Variants in HECW2 observed in about 807,000 individuals in gnomAD.
HECW2 encodes the protein HECT, C2 and WW domain containing E3 ubiquitin protein ligase 2.
A neutral mutation model predicts 175.2 loss-of-function variants in HECW2; 61 were observed. The observed-to-expected ratio is 0.35, with a 90% CI of 0.28 to 0.43. The LOEUF (loss-of-function observed/expected upper bound fraction) is 0.43. Ranked by LOEUF, HECW2 falls within the 20% of genes least tolerant of loss-of-function variation. HECW2 has a pLI of 1.00. For synonymous variants in HECW2, 671 were observed against 731.0 expected, an observed-to-expected ratio of 0.92 and a Z score of 1.32; for missense variants, 1,524 against 2,000.5, an observed-to-expected ratio of 0.76 and a Z score of 4.54.
At position 196,221,034 on chromosome 2, in the gene HECW2, T is replaced by C. The variant is rs1687646926; in HGVS notation, c.4147-93A>G. On this transcript the variant is annotated intron_variant, in intron 24 of 28. Coordinates refer to ENST00000644978, the MANE Select transcript of HECW2 (RefSeq NM_001348768.2). ...ATTGAGCTGAAATCAGCCAGCTACC[T>C]GTCCCAGCCCTGCCCTAGGCACATC... The C allele has an allele frequency of 7.9e-6, 11 of 1,388,906 alleles. No individual in the cohort carries two copies. The East Asian group carries it at 9.2e-5, about 12-fold the overall frequency. 86.0% of individuals were successfully genotyped at this position (1,388,906 alleles called of 1,614,324 possible).
chr2:196,482,090 A>C (rs893012074), intron 1 of HECW2, among the ~76,000 whole-genome samples: 4 of 152,182 alleles, frequency 2.6e-5, no homozygotes, highest in Non-Finnish European at 5.9e-5. Context: ...CCAAAGTATA[A>C]ATTTTTTCCT....
intron 1 of HECW2, among the ~76,000 whole-genome samples, chr2:196,563,628 A>T (rs1028938416): frequency 1.3e-5 from 2 of 152,184 alleles, no homozygotes; most frequent in Non-Finnish European, 2.9e-5. Context: ...CTCAAAGACT[A>T]CAGGAGTCAA....
intron 28 of HECW2, among the ~76,000 whole-genome samples, chr2:196,212,181 C>T (rs910747754): frequency 7.6e-6 from 1 of 132,318 alleles, no homozygotes; most frequent in African/African-American, 3.0e-5. Context: ...CATTTTTCTC[C>T]CATGTGTGCA....
At chr2:196,316,954 C>A in intron 10 of HECW2, 1 of 253,934 alleles carries the variant, frequency 3.9e-6, no homozygotes, top group Admixed American at 4.7e-5. Context: ...GCTGAAAGAA[C>A]ATTCATGCTG....
intron 1 of HECW2, among the ~76,000 whole-genome samples, chr2:196,452,599 T>G (rs1696380075): frequency 1.3e-5 from 2 of 152,148 alleles, no homozygotes; most frequent in East Asian, 3.9e-4. Context: ...TGTGATCCAG[T>G]GCAAAGCCAC....
At position 196,207,923 on chromosome 2, in the gene HECW2, G is replaced by T. The variant is rs182843892; in HGVS notation, c.4608-6535C>A. ...AGAAACTCTTCAAACTATGCATTCT[G>T]AGCAGGTACCTTCTTCACTTGTGAA... On this transcript the variant is annotated intron_variant, in intron 28 of 28. Transcript: ENST00000644978. Among the ~76,000 whole-genome samples the T allele has an allele frequency of 4.2e-3, 644 of 152,310 alleles. 1 individual carries two copies. Among genetic ancestry groups the T allele is most frequent in the African/African-American group, 0.014 (591 of 41,574 alleles).
intron 2 of HECW2, among the ~76,000 whole-genome samples, chr2:196,359,303 C>T (rs539349982): frequency 2.0e-5 from 3 of 152,098 alleles, no homozygotes; most frequent in Non-Finnish European, 4.4e-5. Context: ...CAAAAATTAG[C>T]TGGGTGTGAT....
intron 13 of HECW2, among the ~76,000 whole-genome samples, chr2:196,294,638 C>T (rs761267546): frequency 6.6e-5 from 10 of 152,218 alleles, no homozygotes; most frequent in Admixed American, 2.0e-4. Context: ...GTACTGTGTT[C>T]GTTATTAGGG....
rs184602965 is a variant in HECW2 at position 196,315,484 on chromosome 2, T to C, written c.2434+1790A>G. ...CACCCCACCTCAACTCTAAACATCG[T>C]GTAGTGGGAGGCACCCCCTGCCATC... On this transcript the variant is annotated intron_variant, in intron 10 of 28. Transcript: ENST00000644978. 5.8e-3 allele frequency among the ~76,000 whole-genome samples: 889 copies of C among 152,196 alleles called. 8 individuals carry two copies. The highest frequency in any genetic ancestry group is 0.02 in the Middle Eastern group (6 of 294).
intron 2 of HECW2, among the ~76,000 whole-genome samples, chr2:196,387,461 T>A (rs1219562140): frequency 6.6e-6 from 1 of 152,144 alleles, no homozygotes; most frequent in South Asian, 2.1e-4. Context: ...CTGTGAGGAA[T>A]AGGTCCTCAC....
chr2:196,211,023 T>A (rs1687263983), intron 28 of HECW2, among the ~76,000 whole-genome samples: 1 of 152,246 alleles, frequency 6.6e-6, no homozygotes, highest in Non-Finnish European at 1.5e-5. Flanking sequence ...CCATAAGACA[T>A]CTATTTCATA....
rs1690924496 is a variant in HECW2 at position 196,585,053 on chromosome 2, T to C, written c.-36+8455A>G. On this transcript the variant is annotated intron_variant, in intron 1 of 28. Transcript: ENST00000644978. ...TAGTCTAAGATTGTGGCATATGGTT[T>C]TACTTGCTAATAATTTTCCCTTCCT... is the stretch of plus-strand genomic sequence containing the variant. Among the ~76,000 whole-genome samples, 4 of 152,230 alleles carry C rather than the reference T, an allele frequency of 2.6e-5. No homozygotes were observed. In the South Asian group the frequency reaches 8.3e-4, roughly 32 times the overall value.
In HECW2 at chr2:196,259,627, G is replaced by C. The variant is rs11692888; in HGVS notation, c.3336-1721C>G. 5.8e-3 allele frequency among the ~76,000 whole-genome samples: 886 copies of C among 152,208 alleles called. 8 individuals are homozygous for C. Among genetic ancestry groups the C allele is most frequent in the Middle Eastern group, 0.027 (8 of 294 alleles). ...ATGTACGTAAAGGAGTTGCTCAGAA[G>C]GCCAGCCTCTCTCTGCTTAAGGTTA... is the stretch of plus-strand genomic sequence containing the variant. On this transcript the variant is annotated intron_variant, in intron 17 of 28. Coordinates refer to ENST00000644978, the MANE Select transcript of HECW2 (RefSeq NM_001348768.2).
chr2:196,205,213 A>T, intron 28 of HECW2, among the ~76,000 whole-genome samples: 1 of 152,192 alleles, frequency 6.6e-6, no homozygotes, highest in East Asian at 1.9e-4. Context: ...TGGAGGGGGA[A>T]ACTGTGTGGA....
intron 5 of HECW2, among the ~76,000 whole-genome samples, chr2:196,325,580 A>C (rs1023187704): frequency 1.3e-5 from 2 of 152,198 alleles, no homozygotes; most frequent in African/African-American, 4.8e-5. Context: ...CAATGTCTTG[A>C]GGGAAATACT....
rs751121672 is a variant in HECW2, at chr2:196,253,943, A to G, written c.3506T>C (p.Val1169Ala). The change falls in exon 19 of 29, where the codon GTG (valine) becomes GCG (alanine). Residue 1169 changes from valine (V) to alanine (A), a missense_variant. Coordinates refer to ENST00000644978, the MANE Select transcript of HECW2 (RefSeq NM_001348768.2). The part of the protein sequence containing the change: ...SYCQSPRGSP[V>A]SSPQNSPGTQ... ...ACCTGGCGAGTTCTGAGGAGATGAC[A>G]CGGGAGAGCCACGTGGGGACTGACA... is the stretch of plus-strand genomic sequence containing the variant. The G allele has an allele frequency of 6.2e-7, 1 of 1,614,034 alleles. No individual in the cohort carries two copies. The highest frequency in any genetic ancestry group is 1.1e-5 in the South Asian group (1 of 91,086).
At chr2:196,456,621 T>C (rs1249719009) in intron 1 of HECW2, among the ~76,000 whole-genome samples, 1 of 152,202 alleles carries the variant, frequency 6.6e-6, no homozygotes, top group Non-Finnish European at 1.5e-5. Flanking sequence ...AGAGTAACCA[T>C]ATACTAGCAT....
chr2:196,218,086 C>T (rs1559442238), intron 26 of HECW2: 1 of 152,246 alleles, frequency 6.6e-6, no homozygotes, highest in African/African-American at 2.4e-5. Flanking sequence ...GGGCCATGCC[C>T]AGAGTTTGGT....
rs181417408 is a variant in HECW2 at position 196,540,478 on chromosome 2, A to T, written c.-36+53030T>A. 1.6e-4 allele frequency among the ~76,000 whole-genome samples: 25 copies of T among 152,096 alleles called. No individual in the cohort carries two copies. The East Asian group carries it at 3.9e-3, about 23-fold the overall frequency. ...TTTAGAGACAGGTTCTCACTCTGTC[A>T]CCTAGGTTGGAGTGCAGTGGCAAGA... On this transcript the variant is annotated intron_variant, in intron 1 of 28. Transcript: ENST00000644978.
Sources: allele counts gnomAD v4.1 joint callset (sites outside exome capture counted in the v4.1 genomes callset), GRCh38; gene constraint gnomAD v4.1.1; transcripts MANE v1.5; gene names NCBI Gene and HGNC (gene_info 2026-07-23, HGNC 2026-07-21).